Variants in CDH12 observed in about 807,000 individuals in gnomAD.
CDH12 encodes the protein cadherin-12.
A neutral mutation model predicts 74.1 loss-of-function variants in CDH12; 41 were observed. That is an observed-to-expected ratio of 0.55 (90% CI 0.43 to 0.72). The LOEUF (loss-of-function observed/expected upper bound fraction) is 0.72. Ranked by LOEUF, CDH12 falls within the 30% of genes least tolerant of loss-of-function variation. CDH12 has a pLI of 0.00. For missense variants in CDH12, 945 were observed against 977.2 expected (o/e 0.97, Z 0.44); for synonymous variants, 399 against 355.0 (o/e 1.12, Z -1.39).
chr5:22,601,315 G>A (rs1277236584), intron 1 of CDH12, among the ~76,000 whole-genome samples: 2 of 151,868 alleles, frequency 1.3e-5, no homozygotes, highest in Non-Finnish European at 1.5e-5. Context: ...TCAGAAAACC[G>A]AATTCCACAT....
chr5:21,853,119 TAA>T (rs1177635107), intron 7 of CDH12, among the ~76,000 whole-genome samples: 1 of 151,566 alleles, frequency 6.6e-6, no homozygotes, highest in African/African-American at 2.4e-5. Context: ...AAAATATATA[TAA>T]GATTTTTTTC....
At chr5:22,140,713 A>C (rs2968246) in intron 4 of CDH12, among the ~76,000 whole-genome samples, 61,557 of 152,008 alleles carry the variant, frequency 0.4, 13,051 homozygotes, top group Middle Eastern at 0.51. Flanking sequence ...AATCCCAAGA[A>C]TCTTTATCAC....
At chr5:22,761,719 C>T (rs1746236578) in intron 1 of CDH12, among the ~76,000 whole-genome samples, 1 of 152,086 alleles carries the variant, frequency 6.6e-6, no homozygotes, top group Admixed American at 6.5e-5. Context: ...GTTTAATTGA[C>T]ACCTTAAATG....
At chr5:22,467,705 A>T (rs574325728) in intron 2 of CDH12, among the ~76,000 whole-genome samples, 6 of 152,318 alleles carry the variant, frequency 3.9e-5, no homozygotes, top group Admixed American at 3.3e-4. Context: ...AGTGCATGTA[A>T]TATCTAATAT....
At chr5:22,421,416 C>T (rs950239751) in intron 2 of CDH12, among the ~76,000 whole-genome samples, 23 of 152,190 alleles carry the variant, frequency 1.5e-4, no homozygotes, top group South Asian at 6.2e-4. Flanking sequence ...CAACTCCCAC[C>T]TATGAATGAG....
intron 3 of CDH12, among the ~76,000 whole-genome samples, chr5:22,244,806 T>A (rs1374961937): frequency 1.7e-5 from 2 of 119,938 alleles, no homozygotes; most frequent in Non-Finnish European, 1.8e-5. Flanking sequence ...GAAAGAAAAA[T>A]TCAAAGTAGG....
chr5:22,729,815 C>T (rs1416043560), intron 1 of CDH12, among the ~76,000 whole-genome samples: 1 of 151,838 alleles, frequency 6.6e-6, no homozygotes, highest in Non-Finnish European at 1.5e-5. Context: ...TTCAGGTTTC[C>T]ACTGACTTCT....
intron 1 of CDH12, among the ~76,000 whole-genome samples, chr5:22,535,345 A>G (rs1031147777): frequency 4.0e-5 from 6 of 151,282 alleles, no homozygotes; most frequent in African/African-American, 1.2e-4. Context: ...TTTAGTAGAG[A>G]CGGGGTTTCA....
At chr5:22,097,840 G>T (rs1743881605) in intron 4 of CDH12, among the ~76,000 whole-genome samples, 1 of 151,992 alleles carries the variant, frequency 6.6e-6, no homozygotes, top group South Asian at 2.1e-4. Flanking sequence ...CCATCCCACA[G>T]CACGCTTTGA....
intron 3 of CDH12, among the ~76,000 whole-genome samples, chr5:22,225,993 C>A (rs944506856): frequency 7.8e-6 from 1 of 128,250 alleles, no homozygotes; most frequent in East Asian, 2.6e-4. Flanking sequence ...GGAATAACAA[C>A]ATCAGACATA....
chr5:22,802,699 T>A (rs1433842515), intron 1 of CDH12, among the ~76,000 whole-genome samples: 1 of 152,138 alleles, frequency 6.6e-6, no homozygotes, highest in East Asian at 1.9e-4. Flanking sequence ...TGGATTAACT[T>A]TTTGTTAATT....
intron 5 of CDH12, among the ~76,000 whole-genome samples, chr5:22,017,852 C>T (rs1341653149): frequency 6.6e-6 from 1 of 151,720 alleles, no homozygotes; most frequent in Non-Finnish European, 1.5e-5. Flanking sequence ...ACCTGCCTCC[C>T]GAGTTCAAGC....
At chr5:22,574,749 G>A (rs1474721053) in intron 1 of CDH12, among the ~76,000 whole-genome samples, 1 of 151,918 alleles carries the variant, frequency 6.6e-6, no homozygotes, top group Non-Finnish European at 1.5e-5. Flanking sequence ...GTATAGTCAC[G>A]GAATCATATT....
At chr5:22,173,849 G>T (rs919002810) in intron 4 of CDH12, among the ~76,000 whole-genome samples, 9 of 151,756 alleles carry the variant, frequency 5.9e-5, no homozygotes, top group African/African-American at 1.7e-4. Flanking sequence ...GAAATGTGGA[G>T]AATCCTAGTC....
intron 1 of CDH12, among the ~76,000 whole-genome samples, chr5:22,778,134 C>T (rs1487788458): frequency 6.6e-6 from 1 of 152,042 alleles, no homozygotes; most frequent in Admixed American, 6.6e-5. Context: ...TTATAAGTCT[C>T]ATCATATATT....
At chr5:22,075,066 T>A (rs1742211032) in intron 5 of CDH12, among the ~76,000 whole-genome samples, 2 of 151,940 alleles carry the variant, frequency 1.3e-5, no homozygotes, top group South Asian at 4.2e-4. Flanking sequence ...GACCCAAATG[T>A]CCAACAATGA....
intron 3 of CDH12, among the ~76,000 whole-genome samples, chr5:22,233,909 A>C (rs1752474918): frequency 6.6e-6 from 1 of 152,220 alleles, no homozygotes; most frequent in African/African-American, 2.4e-5. Context: ...ACTAATAGAA[A>C]TAATGATCAA....
At chr5:22,426,050 G>A (rs1307802263) in intron 2 of CDH12, among the ~76,000 whole-genome samples, 1 of 151,980 alleles carries the variant, frequency 6.6e-6, no homozygotes, top group South Asian at 2.1e-4. Flanking sequence ...AGCTGGGTGT[G>A]GTGGCGGGCG....
chr5:22,408,520 G>T (rs947660062), intron 2 of CDH12, among the ~76,000 whole-genome samples: 4 of 151,522 alleles, frequency 2.6e-5, no homozygotes, highest in African/African-American at 7.3e-5. Flanking sequence ...TCAACTCACT[G>T]CCAAGTAACA....
Sources: allele counts gnomAD v4.1 joint callset (sites outside exome capture counted in the v4.1 genomes callset), GRCh38; gene constraint gnomAD v4.1.1; transcripts MANE v1.5; gene names NCBI Gene and HGNC (gene_info 2026-07-23, HGNC 2026-07-21).